Variants in HDX observed in about 807,000 individuals in gnomAD.
HDX encodes highly divergent homeobox.
HDX carries 19 observed loss-of-function variants against 45.2 expected under a neutral mutation model. The ratio of observed to expected loss-of-function variants is 0.42; its 90% CI spans 0.29 to 0.62. HDX has a LOEUF of 0.62. Ranked by LOEUF, HDX falls within the 20% of genes least tolerant of loss-of-function variation. The pLI is 0.20. For synonymous variants in HDX, 188 were observed against 172.8 expected (o/e 1.09, Z -0.69); for missense variants, 532 against 493.9 (o/e 1.08, Z -0.73).
chrX:84,447,594 A>C (rs183685734), intron 4 of HDX, among the ~76,000 whole-genome samples: 1,729 of 110,715 alleles, frequency 0.016, 32 homozygotes, highest in African/African-American at 0.054. Context: ...GGTCCCCCCC[A>C]CACACCAAGT....
chrX:84,398,076 C>CAT (rs1011873411), intron 5 of HDX, among the ~76,000 whole-genome samples: 2 of 107,630 alleles, frequency 1.9e-5, no homozygotes, highest in Admixed American at 1.0e-4. Context: ...GGTGGCCCAC[C>CAT]ATATATATAT....
At chrX:84,354,930 CATATATATATATAT>C (rs72331919) in intron 6 of HDX, among the ~76,000 whole-genome samples, 10,753 of 74,764 alleles carry the variant, frequency 0.14, 598 homozygotes, top group South Asian at 0.32. Flanking sequence ...CACACACACA[CATATATATATATAT>C]ATATATATAT....
At chrX:84,492,632 A>G (rs1023545023) in intron 1 of HDX, among the ~76,000 whole-genome samples, 10 of 111,895 alleles carry the variant, frequency 8.9e-5, no homozygotes, top group Non-Finnish European at 1.7e-4. Context: ...ACTAGTTAAC[A>G]TATCATCAAC....
intron 6 of HDX, among the ~76,000 whole-genome samples, chrX:84,349,534 T>C (rs868404317): frequency 2.9e-4 from 28 of 97,642 alleles, no homozygotes; most frequent in Non-Finnish European, 2.4e-4. Flanking sequence ...TGTATATATA[T>C]ATATACACAC....
rs747472411 is a variant in HDX at position 84,416,611 on chromosome X, A to T, written c.1305+23921T>A. On this transcript the variant is annotated intron_variant, in intron 5 of 10. Coordinates refer to ENST00000373177, the MANE Select transcript of HDX (RefSeq NM_001177479.2). ...TTATTTTCCTCACCATTGCATCCCT[A>T]GGATCATGGACAATGTGTGGCACGT... 3.6e-5 allele frequency among the ~76,000 whole-genome samples: 4 copies of T among 111,432 alleles called. No individual in the cohort carries two copies. In the East Asian group the frequency reaches 1.1e-3, roughly 31 times the overall value.
At chrX:84,430,809 ATTTC>A (rs775598499) in intron 5 of HDX, among the ~76,000 whole-genome samples, 28 of 104,979 alleles carry the variant, frequency 2.7e-4, no homozygotes, top group Admixed American at 1.7e-3. Flanking sequence ...CTTGTTGATG[ATTTC>A]TTTCTTTCTC....
rs146329630 is a variant in HDX, at chrX:84,453,281, C to G, written c.1252-12696G>C. Reference sequence around the variant, plus strand: ...AAAAATCAGGTTATCAATCACAGTACTTGGCTTTAACTTAATATCACTGAA... The same window carrying G: ...AAAAATCAGGTTATCAATCACAGTAGTTGGCTTTAACTTAATATCACTGAA... On this transcript the variant is annotated intron_variant, in intron 4 of 10. Transcript: ENST00000373177. Among the ~76,000 whole-genome samples, 5 of 112,249 alleles carry G rather than the reference C, an allele frequency of 4.5e-5. No individual in the cohort carries two copies. In the East Asian group the frequency reaches 1.4e-3, roughly 31 times the overall value.
chrX:84,356,189 G>C (rs912584633), intron 6 of HDX, among the ~76,000 whole-genome samples: 1 of 111,396 alleles, frequency 9.0e-6, no homozygotes, highest in African/African-American at 3.3e-5. Context: ...ATGTATATTA[G>C]ACTTAAAAAC....
chrX:84,490,805 T>A (rs765814919), intron 1 of HDX, among the ~76,000 whole-genome samples: 7 of 111,391 alleles, frequency 6.3e-5, no homozygotes, highest in Non-Finnish European at 9.4e-5. Flanking sequence ...TTGCTTTTTT[T>A]ATATATAAAA....
chrX:84,387,703 G>A (rs1034767435), intron 5 of HDX, among the ~76,000 whole-genome samples: 1 of 111,372 alleles, frequency 9.0e-6, no homozygotes, highest in African/African-American at 3.3e-5. Flanking sequence ...TTGAGCCTGG[G>A]TGTGCTGTTA....
intron 4 of HDX, among the ~76,000 whole-genome samples, chrX:84,448,286 C>T (rs1179140607): frequency 3.6e-5 from 4 of 110,983 alleles, no homozygotes; most frequent in African/African-American, 1.3e-4. Context: ...GCTCAGGGTC[C>T]CAAGGACTCA....
At chrX:84,354,353 T>C (rs2037425432) in intron 6 of HDX, among the ~76,000 whole-genome samples, 1 of 111,639 alleles carries the variant, frequency 9.0e-6, no homozygotes, top group Non-Finnish European at 1.9e-5. Context: ...TTATTTTAAA[T>C]GTAGTTATTT....
intron 1 of HDX, among the ~76,000 whole-genome samples, chrX:84,493,726 C>T (rs2040941638): frequency 8.9e-6 from 1 of 111,833 alleles, no homozygotes; most frequent in Non-Finnish European, 1.9e-5. Context: ...AAATAATATA[C>T]ACCTAAAACT....
intron 5 of HDX, among the ~76,000 whole-genome samples, chrX:84,433,778 G>C (rs765430332): frequency 1.7e-4 from 19 of 111,037 alleles, no homozygotes; most frequent in Non-Finnish European, 3.4e-4. Flanking sequence ...CCTGTGGGCC[G>C]TATAGTCATT....
chrX:84,431,351 C>CT (rs1295342299), intron 5 of HDX, among the ~76,000 whole-genome samples: 1 of 110,535 alleles, frequency 9.0e-6, no homozygotes, highest in Non-Finnish European at 1.9e-5. Flanking sequence ...ATGTACATTC[C>CT]TTTGGGTATA....
chrX:84,414,637 A>T (rs1307460136), intron 5 of HDX, among the ~76,000 whole-genome samples: 1 of 111,576 alleles, frequency 9.0e-6, no homozygotes, highest in Admixed American at 9.5e-5. Flanking sequence ...ACACCATAAC[A>T]TTTTCCCTTT....
intron 2 of HDX, among the ~76,000 whole-genome samples, chrX:84,476,164 G>C (rs1569366500): frequency 9.0e-6 from 1 of 110,955 alleles, no homozygotes. Flanking sequence ...TTAATATTAA[G>C]GGTATACAAC....
intron 3 of HDX, 26 bp from the exon 4 acceptor site, chrX:84,469,601 GA>G (rs758435834): frequency 6.4e-5 from 70 of 1,085,794 alleles, no homozygotes; most frequent in Admixed American, 2.0e-4. Context: ...ATGGTATTAT[GA>G]AAAAAAAATT....
intron 4 of HDX, among the ~76,000 whole-genome samples, chrX:84,456,734 T>C (rs1247511341): frequency 1.8e-5 from 2 of 111,363 alleles, no homozygotes; most frequent in South Asian, 3.7e-4. Context: ...GCCATACTTA[T>C]ATCAGACAAA....
Sources: allele counts gnomAD v4.1 joint callset (sites outside exome capture counted in the v4.1 genomes callset), GRCh38; gene constraint gnomAD v4.1.1; transcripts MANE v1.5; gene names NCBI Gene and HGNC (gene_info 2026-07-23, HGNC 2026-07-21).